PCBP4: variants seen among roughly 807,000 people sequenced by gnomAD.
The protein encoded by PCBP4 is poly(rC)-binding protein 4.
A neutral mutation model predicts 46.2 loss-of-function variants in PCBP4; 24 were observed. The observed-to-expected ratio is 0.52, with a 90% CI of 0.38 to 0.73. PCBP4 has a LOEUF of 0.73. PCBP4 is among the 30% of genes least tolerant of loss of function. The probability of loss-of-function intolerance (pLI) is 0.00; values close to 1 mark genes in which losing one functional copy is unlikely to be tolerated. For synonymous variants in PCBP4, 203 were observed against 224.4 expected, an observed-to-expected ratio of 0.90 and a Z score of 0.85; for missense variants, 407 against 537.0, an observed-to-expected ratio of 0.76 and a Z score of 2.39.
At position 51,958,427 on chromosome 3, in the gene PCBP4, G is replaced by A; in HGVS notation, c.924-78C>T. Reference sequence around the variant, plus strand: ...GGGCAATGAGGGCAGAGATGGGCATGAGATTAGATGAAAGGCAAGAGAGAG... The same window carrying A: ...GGGCAATGAGGGCAGAGATGGGCATAAGATTAGATGAAAGGCAAGAGAGAG... On this transcript the variant is annotated intron_variant, in intron 13 of 13. Transcript: ENST00000461554. This position sits in a 1 kb window ranked among gnomAD's most constrained non-coding sequence, Gnocchi z 5.4. The A allele has an allele frequency of 1.0e-6, 1 of 983,808 alleles. No individual in the cohort carries two copies. The highest frequency in any genetic ancestry group is 1.9e-5 in the South Asian group (1 of 52,854). 60.9% of individuals were successfully genotyped at this position (983,808 alleles called of 1,614,324 possible).
In PCBP4 at chr3:51,960,303, A is replaced by G; in HGVS notation, c.273T>C (p.Pro91=). 1 of 1,613,892 alleles carries G rather than the reference A, an allele frequency of 6.2e-7. No homozygotes were observed. Among genetic ancestry groups the G allele is most frequent in the Middle Eastern group, 1.6e-4 (1 of 6,062 alleles). ...FKLDEDLCAA[P]ANGGNVSRPP... Reference sequence around the variant, plus strand: ...GCCTGGAGACATTTCCACCATTTGCAGGAGCAGCACAAAGGTCCTGGGACA... The same window carrying G: ...GCCTGGAGACATTTCCACCATTTGCGGGAGCAGCACAAAGGTCCTGGGACA... The change falls in exon 7 of 14, where the codon CCT becomes CCC. Residue 91 remains proline (P), a synonymous_variant. Coordinates refer to ENST00000461554, the MANE Select transcript of PCBP4 (RefSeq NM_001174100.2). The surrounding 1 kb of genome is among the most constrained non-coding windows in gnomAD (Gnocchi z 5.0).
At position 51,958,356 on chromosome 3, in the gene PCBP4, A is replaced by T. The variant is rs1699931049; in HGVS notation, c.924-7T>A. The T allele has an allele frequency of 6.8e-7, 1 of 1,464,832 alleles. No homozygotes were observed. The highest frequency in any genetic ancestry group is 1.4e-5 in the African/African-American group (1 of 70,224). The allele number at this position is 1,464,832 out of a possible 1,614,324, so 90.7% of individuals were successfully genotyped here. A position where few individuals can be genotyped will look rare whatever the true frequency, so the allele number is the denominator to read the frequency against. On this transcript the variant is annotated splice_polypyrimidine_tract_variant and splice_region_variant and intron_variant, in intron 13 of 13. Transcript: ENST00000461554. The surrounding 1 kb of genome is among the most constrained non-coding windows in gnomAD (Gnocchi z 5.4). ...AGACTTGGCCGTCTCTAGACTGGAG[A>T]GAGGGATATAGAGGGGAGACAAAGG...
At position 51,958,182 on chromosome 3, in the gene PCBP4, G is replaced by A; in HGVS notation, c.1091C>T (p.Pro364Leu). Reference sequence around the variant, plus strand: ...GGAAGCAGGTGGTAAAGCCAAGAAGGGCATGGGCTTGAGGCCGATGAAGTT... The same window carrying A: ...GGAAGCAGGTGGTAAAGCCAAGAAGAGCATGGGCTTGAGGCCGATGAAGTT... Reference protein sequence around the residue: ...LSNFIGLKPMPFLALPPASPG... With the variant: ...LSNFIGLKPMLFLALPPASPG... The change falls in exon 14 of 14, where the codon CCC (proline) becomes CTC (leucine). Residue 364 changes from proline (P) to leucine (L), a missense_variant. Transcript: ENST00000461554. The surrounding 1 kb of genome is among the most constrained non-coding windows in gnomAD (Gnocchi z 5.4). 1 of 1,613,502 alleles carries A rather than the reference G, an allele frequency of 6.2e-7. No homozygotes were observed. The highest frequency in any genetic ancestry group is 8.5e-7 in the Non-Finnish European group (1 of 1,179,678).
chr3:51,961,286 C>T lies in PCBP4; in HGVS notation c.-46G>A, dbSNP rs372344609. The stretch of plus-strand genomic sequence containing the variant: ...CCACAGCGACCTGCGAGTGTGTCCG[C>T]GCTGCAACCTGGCCGGCTCTGGCAG... On this transcript the variant is annotated 5_prime_UTR_variant, in exon 3 of 14. Transcript: ENST00000461554. The T allele has an allele frequency of 1.8e-4, 281 of 1,591,930 alleles. 1 individual carries two copies. Among genetic ancestry groups the T allele is most frequent in the Non-Finnish European group, 2.2e-4 (252 of 1,171,766 alleles).
Position 51,960,578 on chromosome 3 carries a change from G to A in PCBP4, c.203C>T (p.Ser68Phe), listed in dbSNP as rs765731279. The change falls in exon 6 of 14, where the codon TCT becomes TTT. Residue 68 changes from serine (S) to phenylalanine (F), a missense_variant. Transcript: ENST00000461554. The surrounding 1 kb of genome is among the most constrained non-coding windows in gnomAD (Gnocchi z 5.0). ...GACTGCATGGAAGACAGCTGCTGTA[G>A]ACCCGGTGATGGTGGTGATGCGTTC... is the stretch of plus-strand genomic sequence containing the variant. ...CPERITTITGSTAAVFHAVSM... is the reference protein window; with the variant it reads ...CPERITTITGFTAAVFHAVSM... 3.1e-6 allele frequency: 5 copies of A among 1,614,188 alleles called. No individual in the cohort carries two copies. The South Asian group carries it at 5.5e-5, about 18-fold the overall frequency.
Position 51,957,837 on chromosome 3 carries a change from G to A in PCBP4, c.*224C>T, listed in dbSNP as rs1433272471. The A allele has an allele frequency of 1.7e-5, 7 of 418,470 alleles. No homozygotes were observed. Among genetic ancestry groups the A allele is most frequent in the Admixed American group, 4.1e-5 (1 of 24,592 alleles). 25.9% of individuals were successfully genotyped at this position (418,470 alleles called of 1,614,324 possible). Reference sequence around the variant, plus strand: ...CCAAGCACAGAGCTGAGGAGGTAGGGCCCCCTGCCCTGGGGCTGCCGCAGC... The same window carrying A: ...CCAAGCACAGAGCTGAGGAGGTAGGACCCCCTGCCCTGGGGCTGCCGCAGC... On this transcript the variant is annotated 3_prime_UTR_variant, in exon 14 of 14. Coordinates refer to ENST00000461554, the MANE Select transcript of PCBP4 (RefSeq NM_001174100.2).
chr3:51,961,135 G>A (rs958187290), intron 3 of PCBP4, 25 bp downstream of exon 3: 22 of 1,613,474 alleles, frequency 1.4e-5, no homozygotes, highest in South Asian at 7.7e-5. Flanking sequence ...GCCTTGCCTC[G>A]CCTGGCCCTC....
At chr3:51,964,843 G>A (rs887191134) in intron 1 of PCBP4, among the ~76,000 whole-genome samples, 2 of 152,228 alleles carry the variant, frequency 1.3e-5, no homozygotes, top group African/African-American at 4.8e-5. Flanking sequence ...AGTTGGGAGA[G>A]GAGGAGGGGA....
At chr3:51,961,587 T>C in intron 2 of PCBP4, 1 of 355,282 alleles carries the variant, frequency 2.8e-6, no homozygotes. Flanking sequence ...AATAAGCACA[T>C]ACATGGTAGG....
In PCBP4 at chr3:51,959,687, T is replaced by C; in HGVS notation, c.517-36A>G. 1 of 1,536,612 alleles carries C rather than the reference T, an allele frequency of 6.5e-7. No individual in the cohort carries two copies. The highest frequency in any genetic ancestry group is 8.8e-7 in the Non-Finnish European group (1 of 1,133,598). On this transcript the variant is annotated intron_variant, in intron 8 of 13. Transcript: ENST00000461554. The surrounding 1 kb of genome is among the most constrained non-coding windows in gnomAD (Gnocchi z 5.6). ...TAAACAGGGCTCTGTCAGGACCCTCTCAGGCTCCGATAACCTCCCCAGCTG... is the reference window on the plus strand; with the variant it reads ...TAAACAGGGCTCTGTCAGGACCCTCCCAGGCTCCGATAACCTCCCCAGCTG...
Position 51,961,161 on chromosome 3 carries a change from T to C in PCBP4, c.80A>G (p.Lys27Arg), listed in dbSNP as rs1700154386. 1.9e-6 allele frequency: 3 copies of C among 1,613,792 alleles called. No individual in the cohort carries two copies. The highest frequency in any genetic ancestry group is 1.7e-6 in the Non-Finnish European group (2 of 1,179,988). The change falls in exon 3 of 14, where the codon AAG becomes AGG. Residue 27 changes from lysine (K) to arginine (R), a missense_variant and splice_region_variant. Lys to Arg is a conservative substitution (Grantham distance 26). Transcript: ENST00000461554. ...CCTGGCCCTCCACCTCCCGCTCACCTTCCCGTGCATCAGCATCCGCAGCGT... is the reference window on the plus strand; with the variant it reads ...CCTGGCCCTCCACCTCCCGCTCACCCTCCCGTGCATCAGCATCCGCAGCGT... ...TLTLRMLMHG[K>R]EVGSIIGKKG...
Position 51,959,170 on chromosome 3 carries a change from AG to A in PCBP4, c.700+58del. The A allele has an allele frequency of 6.2e-7, 1 of 1,613,182 alleles. No homozygotes were observed. The highest frequency in any genetic ancestry group is 8.5e-7 in the Non-Finnish European group (1 of 1,179,312). ...CCCCACCATTTCCACTCTCCCTGGA[AG>A]GGAGGGGGCTGCCCTCTTAGGACCC... is the stretch of plus-strand genomic sequence containing the variant. On this transcript the variant is annotated intron_variant, in intron 11 of 13. Coordinates refer to ENST00000461554, the MANE Select transcript of PCBP4 (RefSeq NM_001174100.2). The surrounding 1 kb of genome is among the most constrained non-coding windows in gnomAD (Gnocchi z 5.6).
chr3:51,961,160 C>T lies in PCBP4; in HGVS notation c.81G>A (p.Lys27=). The T allele has an allele frequency of 6.2e-7, 1 of 1,613,860 alleles. No individual in the cohort carries two copies. Among genetic ancestry groups the T allele is most frequent in the Non-Finnish European group, 8.5e-7 (1 of 1,180,014 alleles). Residue 27 remains lysine, a splice_region_variant and synonymous_variant, in exon 3 of 14, where the codon AAG becomes AAA. Coordinates refer to ENST00000461554, the MANE Select transcript of PCBP4 (RefSeq NM_001174100.2). ...TLTLRMLMHG[K]EVGSIIGKKG... ...GCCTGGCCCTCCACCTCCCGCTCACCTTCCCGTGCATCAGCATCCGCAGCG... is the reference window on the plus strand; with the variant it reads ...GCCTGGCCCTCCACCTCCCGCTCACTTTCCCGTGCATCAGCATCCGCAGCG...
chr3:51,961,832 T>A (rs1700193719), intron 2 of PCBP4, 109 bp downstream of exon 2: 2 of 897,632 alleles, frequency 2.2e-6, no homozygotes, highest in Non-Finnish European at 2.7e-6. Flanking sequence ...GGAGCAGCCA[T>A]GGGAAGCCTT....
chr3:51,958,247 G>A lies in PCBP4; in HGVS notation c.1026C>T (p.Pro342=). 2 of 1,602,690 alleles carry A rather than the reference G, an allele frequency of 1.2e-6. No individual in the cohort carries two copies. Among genetic ancestry groups the A allele is most frequent in the Admixed American group, 1.7e-5 (1 of 57,360 alleles). Residue 342 remains proline, a synonymous_variant, in exon 14 of 14, where the codon CCC becomes CCT. Transcript: ENST00000461554. The surrounding 1 kb of genome is among the most constrained non-coding windows in gnomAD (Gnocchi z 5.4). The part of the protein sequence containing the change: ...SPPLTALPTA[P]PGLLGTPYAI... ...CATAGGGTGTGCCCAGCAGGCCAGG[G>A]GGAGCTGTGGGCAGGGCCGTCAGGG...
At chr3:51,961,754 A>G (rs187852368) in intron 2 of PCBP4, 187 bp downstream of exon 2, 3 of 989,854 alleles carry the variant, frequency 3.0e-6, no homozygotes, top group Admixed American at 5.8e-5. Flanking sequence ...CTTACTCCAT[A>G]TGAGAGGCAC....
rs1447711908 is a variant in PCBP4 at position 51,959,279 on chromosome 3, T to G, written c.650A>C (p.Gln217Pro). 1.9e-6 allele frequency: 3 copies of G among 1,613,860 alleles called. No individual in the cohort carries two copies. The highest frequency in any genetic ancestry group is 3.3e-5 in the Admixed American group (2 of 59,988). ...GGGGACCGCATGGCTTGAGAGCTGC[T>G]GGAGCTTGGTGACCTGTGCCAAAGA... Reference protein sequence around the residue: ...AVTPAEVTKLQQLSSHAVPFA... With the variant: ...AVTPAEVTKLPQLSSHAVPFA... The change falls in exon 11 of 14, where the codon CAG becomes CCG. Residue 217 changes from glutamine to proline, a missense_variant. By Grantham distance (76) the Gln-to-Pro change is moderately conservative. Coordinates refer to ENST00000461554, the MANE Select transcript of PCBP4 (RefSeq NM_001174100.2). The surrounding 1 kb of genome is among the most constrained non-coding windows in gnomAD (Gnocchi z 5.6).
At position 51,959,931 on chromosome 3, in the gene PCBP4, G is replaced by A. The variant is rs1424955263; in HGVS notation, c.480C>T (p.Ile160=). 1 of 1,608,306 alleles carries A rather than the reference G, an allele frequency of 6.2e-7. No individual in the cohort carries two copies. The highest frequency in any genetic ancestry group is 1.7e-5 in the Admixed American group (1 of 59,724). ...CAGCGCAGATCTGGCGCACACACAG[G>A]ATGATGGCATCAGGCACCCCAGATA... The part of the protein sequence containing the change: ...VTVSGVPDAI[I]LCVRQICAVI... Residue 160 remains isoleucine, a synonymous_variant, in exon 8 of 14, where the codon ATC becomes ATT. Transcript: ENST00000461554. The surrounding 1 kb of genome is among the most constrained non-coding windows in gnomAD (Gnocchi z 5.6).
rs765966449 is a variant in PCBP4 at position 51,960,600 on chromosome 3, G to A, written c.181C>T (p.Arg61Cys). 15 of 1,614,182 alleles carry A rather than the reference G, an allele frequency of 9.3e-6. No homozygotes were observed. The highest frequency in any genetic ancestry group is 4.4e-5 in the South Asian group (4 of 91,088). ...GTAGACCCGGTGATGGTGGTGATGC[G>A]TTCAGGGCAGGAGCCCTCGGAGATG... ...ITISEGSCPERITTITGSTAA... is the reference protein window; with the variant it reads ...ITISEGSCPECITTITGSTAA... The change falls in exon 6 of 14, where the codon CGC (arginine) becomes TGC (cysteine). Residue 61 changes from arginine to cysteine, a missense_variant. By Grantham distance (180) the Arg-to-Cys change is radical. Coordinates refer to ENST00000461554, the MANE Select transcript of PCBP4 (RefSeq NM_001174100.2). The surrounding 1 kb of genome is among the most constrained non-coding windows in gnomAD (Gnocchi z 5.0).
Sources: allele counts gnomAD v4.1 joint callset (sites outside exome capture counted in the v4.1 genomes callset), GRCh38; gene constraint gnomAD v4.1.1; non-coding constraint Gnocchi (gnomAD v3.1); transcripts MANE v1.5; gene names NCBI Gene and HGNC (gene_info 2026-07-23, HGNC 2026-07-21).